Variants in GAREM1 observed in about 807,000 individuals in gnomAD.
The protein encoded by GAREM1 is GRB2-associated and regulator of MAPK protein 1.
GAREM1 carries 26 observed loss-of-function variants against 71.3 expected under a neutral mutation model. The ratio of observed to expected loss-of-function variants is 0.36; its 90% CI spans 0.27 to 0.51. GAREM1 has a LOEUF of 0.51. Ranked by LOEUF, GAREM1 falls within the 20% of genes least tolerant of loss-of-function variation. GAREM1 has a pLI of 0.95. For missense variants in GAREM1, 1,026 were observed against 1,103.1 expected (o/e 0.93, Z 0.99); for synonymous variants, 440 against 433.2 (o/e 1.02, Z -0.20).
intron 2 of GAREM1, among the ~76,000 whole-genome samples, chr18:32,364,033 T>A (rs1466733427): frequency 8.0e-5 from 7 of 87,174 alleles, no homozygotes; most frequent in African/African-American, 2.4e-4. Context: ...TATATGTTTT[T>A]TTTTTTTTTT....
chr18:32,431,783 G>A (rs1276409229), intron 1 of GAREM1, among the ~76,000 whole-genome samples: 1 of 152,030 alleles, frequency 6.6e-6, no homozygotes, highest in Non-Finnish European at 1.5e-5. Flanking sequence ...CGGTGAACAC[G>A]AGACAAAGGA....
At chr18:32,351,184 C>T (rs1216731185) in intron 2 of GAREM1, among the ~76,000 whole-genome samples, 7 of 152,054 alleles carry the variant, frequency 4.6e-5, no homozygotes, top group African/African-American at 1.4e-4. Context: ...CATTCAATTG[C>T]GTTAAAACTA....
chr18:32,414,204 G>A (rs2048446104), intron 1 of GAREM1, among the ~76,000 whole-genome samples: 2 of 152,050 alleles, frequency 1.3e-5, no homozygotes, highest in African/African-American at 2.4e-5. Flanking sequence ...GACAAAATAA[G>A]GGATCAGTAC....
intron 2 of GAREM1, among the ~76,000 whole-genome samples, chr18:32,379,131 T>C (rs1158838479): frequency 6.6e-6 from 1 of 151,936 alleles, no homozygotes; most frequent in Non-Finnish European, 1.5e-5. Context: ...AAAAGGACAG[T>C]TTCTATATTA....
intron 1 of GAREM1, among the ~76,000 whole-genome samples, chr18:32,449,235 C>T (rs1223420999): frequency 6.6e-6 from 1 of 152,166 alleles, no homozygotes; most frequent in Admixed American, 6.6e-5. Context: ...TGAACACTAA[C>T]TATAATTATT....
chr18:32,336,889 TCA>T (rs1397792392), intron 2 of GAREM1, among the ~76,000 whole-genome samples: 1 of 152,180 alleles, frequency 6.6e-6, no homozygotes. Flanking sequence ...CTTCCTGACT[TCA>T]CAGGTTGTTA....
At chr18:32,392,205 T>G (rs1370191554) in intron 2 of GAREM1, among the ~76,000 whole-genome samples, 1 of 150,502 alleles carries the variant, frequency 6.6e-6, no homozygotes, top group East Asian at 1.9e-4. Context: ...TAACATAAGT[T>G]TTTTTTTTTA....
intron 2 of GAREM1, among the ~76,000 whole-genome samples, chr18:32,314,615 G>A (rs2047358075): frequency 6.6e-6 from 1 of 150,870 alleles, no homozygotes; most frequent in Admixed American, 6.6e-5. Context: ...TTGAGACGGA[G>A]TCTCGCTCTG....
At chr18:32,308,720 GAAAA>G (rs1762772979) in intron 3 of GAREM1, among the ~76,000 whole-genome samples, 1 of 149,888 alleles carries the variant, frequency 6.7e-6, no homozygotes, top group South Asian at 2.1e-4. Context: ...TAGGGCCACT[GAAAA>G]AGTTAAAAAC....
At chr18:32,318,645 A>G (rs1411420500) in intron 2 of GAREM1, among the ~76,000 whole-genome samples, 2 of 152,174 alleles carry the variant, frequency 1.3e-5, no homozygotes, top group Non-Finnish European at 2.9e-5. Context: ...ACTGTTCGCC[A>G]TCACCAGTGG....
At chr18:32,284,233 TA>T (rs977453945) in intron 4 of GAREM1, among the ~76,000 whole-genome samples, 10 of 151,896 alleles carry the variant, frequency 6.6e-5, no homozygotes, top group African/African-American at 2.4e-4. Flanking sequence ...CTAATTTTTT[TA>T]AAAAAAACAA....
At chr18:32,382,569 C>T (rs1050361127) in intron 2 of GAREM1, among the ~76,000 whole-genome samples, 49 of 151,986 alleles carry the variant, frequency 3.2e-4, no homozygotes, top group Non-Finnish European at 7.1e-4. Context: ...TCAAAAAGGC[C>T]CAGCGTTAGA....
intron 2 of GAREM1, among the ~76,000 whole-genome samples, chr18:32,323,315 TG>T (rs147513734): frequency 5.3e-5 from 8 of 152,336 alleles, no homozygotes; most frequent in African/African-American, 1.7e-4. Context: ...AAGAAATGTG[TG>T]GGAAGTCTAG....
rs2047235578 is a variant in GAREM1 at position 32,304,765 on chromosome 18, T to A, written c.393+5428A>T. Among the ~76,000 whole-genome samples, 4 of 152,142 alleles carry A rather than the reference T, an allele frequency of 2.6e-5. No homozygotes were observed. The South Asian group carries it at 8.3e-4, about 32-fold the overall frequency. Reference sequence around the variant, plus strand: ...TCTTGTGACCCGCCCATGGTCAGAGTCAATGCCTGGGGCAGGGTTCTGAAC... The same window carrying A: ...TCTTGTGACCCGCCCATGGTCAGAGACAATGCCTGGGGCAGGGTTCTGAAC... On this transcript the variant is annotated intron_variant, in intron 3 of 5. Transcript: ENST00000269209.
chr18:32,376,319 G>A (rs1369316865), intron 2 of GAREM1, among the ~76,000 whole-genome samples: 2 of 152,156 alleles, frequency 1.3e-5, no homozygotes, highest in Non-Finnish European at 2.9e-5. Context: ...ATGCTGCTCT[G>A]TACTACTTTG....
chr18:32,340,309 A>G (rs984229099), intron 2 of GAREM1, among the ~76,000 whole-genome samples: 1 of 152,216 alleles, frequency 6.6e-6, no homozygotes, highest in African/African-American at 2.4e-5. Context: ...AATTATAACT[A>G]GGATCCACGC....
intron 1 of GAREM1, among the ~76,000 whole-genome samples, chr18:32,404,250 C>G (rs912758331): frequency 6.6e-6 from 1 of 152,054 alleles, no homozygotes; most frequent in Admixed American, 6.6e-5. Flanking sequence ...ACAGCAAAAC[C>G]CAAATCTCTA....
chr18:32,373,071 T>C (rs2047999559), intron 2 of GAREM1, among the ~76,000 whole-genome samples: 1 of 152,222 alleles, frequency 6.6e-6, no homozygotes, highest in Non-Finnish European at 1.5e-5. Context: ...CTCCCTAGTC[T>C]GTAAACAATA....
At chr18:32,339,806 T>G (rs182144439) in intron 2 of GAREM1, among the ~76,000 whole-genome samples, 1 of 152,360 alleles carries the variant, frequency 6.6e-6, no homozygotes, top group African/African-American at 2.4e-5. Flanking sequence ...GTCATCTTTA[T>G]CATCATGGCA....
Sources: allele counts gnomAD v4.1 joint callset (sites outside exome capture counted in the v4.1 genomes callset), GRCh38; gene constraint gnomAD v4.1.1; transcripts MANE v1.5; gene names NCBI Gene and HGNC (gene_info 2026-07-23, HGNC 2026-07-21).